The following KAZN variants were observed in gnomAD, a reference collection of about 807,000 sequenced individuals.
KAZN encodes kazrin, periplakin interacting protein.
Under a neutral mutation model 87.4 loss-of-function variants are expected in KAZN, and 40 were observed. The observed-to-expected ratio is 0.46, with a 90% confidence interval of 0.36 to 0.60. The LOEUF (loss-of-function observed/expected upper bound fraction) is 0.60. Ranked by LOEUF, KAZN falls within the 20% of genes least tolerant of loss-of-function variation. The probability of loss-of-function intolerance (pLI) is 0.00; values close to 1 mark genes in which losing one functional copy is unlikely to be tolerated. For synonymous variants in KAZN, 466 were observed against 458.3 expected (o/e 1.02, Z -0.22); for missense variants, 898 against 1,073.9 (o/e 0.84, Z 2.29).
chr1:13,986,888 C>T (rs559899169), intron 1 of KAZN, among the ~76,000 whole-genome samples: 101 of 152,360 alleles, frequency 6.6e-4, no homozygotes, highest in African/African-American at 2.3e-3. Context: ...AGATCTGCTA[C>T]AGCCTTGTGA....
rs1448933713 is a variant in KAZN, at chr1:14,943,033, T to G, written c.227-17651T>G. Among the ~76,000 whole-genome samples the G allele has an allele frequency of 3.1e-4, 43 of 136,668 alleles. 3 individuals are homozygous for G. Among genetic ancestry groups the G allele is most frequent in the Middle Eastern group, 3.7e-3 (1 of 272 alleles). 89.7% of individuals were successfully genotyped at this position (136,668 alleles called of 152,430 possible). On this transcript the variant is annotated intron_variant, in intron 1 of 14. Coordinates refer to ENST00000376030, the MANE Select transcript of KAZN (RefSeq NM_201628.3). ...GTGTGTGTGTGTGTGTGTGTGTGTGTGTGTGTGTGTGTGTGTGTTGGGGAG... is the reference window on the plus strand; with the variant it reads ...GTGTGTGTGTGTGTGTGTGTGTGTGGGTGTGTGTGTGTGTGTGTTGGGGAG...
chr1:14,685,140 G>T (rs189954554), intron 1 of KAZN, among the ~76,000 whole-genome samples: 1 of 152,196 alleles, frequency 6.6e-6, no homozygotes, highest in Non-Finnish European at 1.5e-5. Flanking sequence ...CACCAGTAGG[G>T]CCTCAGGAAA....
At chr1:14,834,185 G>C (rs1647145229) in intron 1 of KAZN, among the ~76,000 whole-genome samples, 1 of 151,708 alleles carries the variant, frequency 6.6e-6, no homozygotes, top group African/African-American at 2.4e-5. Flanking sequence ...GCAGTCATCT[G>C]CCACCACGCC....
At chr1:14,304,282 C>G (rs1374046649) in intron 2 of KAZN, among the ~76,000 whole-genome samples, 1 of 152,208 alleles carries the variant, frequency 6.6e-6, no homozygotes, top group African/African-American at 2.4e-5. Flanking sequence ...CATCCAACAT[C>G]TCCAAAGGAC....
At chr1:14,852,580 A>G (rs1395118194) in intron 1 of KAZN, among the ~76,000 whole-genome samples, 1 of 151,966 alleles carries the variant, frequency 6.6e-6, no homozygotes, top group Non-Finnish European at 1.5e-5. Flanking sequence ...TGCCCATGCC[A>G]GGACTAGCAG....
intron 1 of KAZN, among the ~76,000 whole-genome samples, chr1:14,715,452 G>C (rs572414684): frequency 3.3e-5 from 5 of 152,354 alleles, no homozygotes; most frequent in African/African-American, 9.6e-5. Context: ...CAGCGAAGCT[G>C]TTTCCTCCAT....
chr1:14,436,734 A>AAAAAAAAAAAAAAAC (rs563539375), intron 2 of KAZN, among the ~76,000 whole-genome samples: 1 of 137,366 alleles, frequency 7.3e-6, no homozygotes, highest in Non-Finnish European at 1.5e-5. Flanking sequence ...AAAAAAAAAA[A>AAAAAAAAAAAAAAAC]AAAACCTTAA....
intron 1 of KAZN, among the ~76,000 whole-genome samples, chr1:14,740,281 C>A (rs1340145438): frequency 6.6e-6 from 1 of 152,200 alleles, no homozygotes; most frequent in African/African-American, 2.4e-5. Context: ...CCCAGATGCA[C>A]AGGCTGTGTT....
At chr1:14,746,187 T>G (rs1178684619) in intron 1 of KAZN, among the ~76,000 whole-genome samples, 2 of 149,916 alleles carry the variant, frequency 1.3e-5, no homozygotes, top group African/African-American at 4.9e-5. Context: ...TGTGACCCAT[T>G]AGTGACACTC....
At chr1:14,570,544 C>T (rs1674801329) in intron 2 of KAZN, among the ~76,000 whole-genome samples, 1 of 152,168 alleles carries the variant, frequency 6.6e-6, no homozygotes. Flanking sequence ...GGGGTTCACT[C>T]CTGTTGTAGC....
intron 1 of KAZN, among the ~76,000 whole-genome samples, chr1:14,695,058 T>G (rs1330158307): frequency 6.6e-6 from 1 of 152,192 alleles, no homozygotes; most frequent in Non-Finnish European, 1.5e-5. Flanking sequence ...AAGATGAAGC[T>G]TAATTGGATC....
chr1:14,090,274 C>T (rs1291428313), intron 1 of KAZN, among the ~76,000 whole-genome samples: 2 of 151,964 alleles, frequency 1.3e-5, no homozygotes, highest in African/African-American at 4.8e-5. Context: ...TGATATTGTC[C>T]CTCATCTCAC....
chr1:14,127,101 A>G (rs12029121), intron 1 of KAZN, among the ~76,000 whole-genome samples: 86,749 of 151,918 alleles, frequency 0.57, 26,014 homozygotes, highest in East Asian at 0.76. Flanking sequence ...ATGCGACTCC[A>G]TCTCAAACAA....
intron 1 of KAZN, among the ~76,000 whole-genome samples, chr1:14,683,156 A>G (rs1640770290): frequency 6.6e-6 from 1 of 152,160 alleles, no homozygotes; most frequent in South Asian, 2.1e-4. Context: ...GTGCCTTCCC[A>G]GGAACTGGAA....
intron 1 of KAZN, among the ~76,000 whole-genome samples, chr1:14,108,295 C>T (rs1644423963): frequency 6.6e-6 from 1 of 152,102 alleles, no homozygotes; most frequent in South Asian, 2.1e-4. Flanking sequence ...TGTTTTGTGG[C>T]TCTCTCACAG....
At chr1:14,622,706 T>G (rs1024070917) in intron 1 of KAZN, among the ~76,000 whole-genome samples, 2 of 115,984 alleles carry the variant, frequency 1.7e-5, no homozygotes, top group Non-Finnish European at 3.6e-5. Flanking sequence ...AAAAAAAAAA[T>G]TATGAAAATG....
chr1:14,928,342 G>C (rs1224689798), intron 1 of KAZN, among the ~76,000 whole-genome samples: 1 of 152,060 alleles, frequency 6.6e-6, no homozygotes, highest in African/African-American at 2.4e-5. Flanking sequence ...CCAGCTACTT[G>C]GGAGGCTGAG....
At chr1:14,443,915 A>G (rs1318353395) in intron 2 of KAZN, among the ~76,000 whole-genome samples, 2 of 151,816 alleles carry the variant, frequency 1.3e-5, no homozygotes, top group African/African-American at 2.4e-5. Context: ...TCAAGTTTCA[A>G]TTTTTTTTGT....
intron 1 of KAZN, among the ~76,000 whole-genome samples, chr1:13,974,208 G>A (rs139658872): frequency 6.6e-6 from 1 of 152,306 alleles, no homozygotes; most frequent in Admixed American, 6.5e-5. Flanking sequence ...TGCCTAGCAT[G>A]TACCAAAACT....
Sources: gnomAD v4.1 joint callset for allele counts (sites outside exome capture counted in the v4.1 genomes callset) on GRCh38, gnomAD v4.1.1 for gene constraint, MANE v1.5 for transcripts, NCBI Gene and HGNC (gene_info 2026-07-23, HGNC 2026-07-21) for gene names.